MTR: variants seen among roughly 807,000 people sequenced by gnomAD.
The protein encoded by MTR is methionine synthase.
Under a neutral mutation model 154.8 loss-of-function variants are expected in MTR, and 84 were observed. That is an observed-to-expected ratio of 0.54 (90% CI 0.45 to 0.65). MTR has a LOEUF of 0.65. Among genes scored for constraint, MTR ranks in the 30% least tolerant of loss-of-function variants. MTR has a pLI of 0.00. For missense variants in MTR, 1,275 were observed against 1,570.2 expected (o/e 0.81, Z 3.18); for synonymous variants, 554 against 553.9 (o/e 1.00, Z 0.00).
intron 3 of MTR, 21 bp downstream of exon 3, chr1:236,806,254 T>C (rs1660977412): frequency 1.3e-6 from 2 of 1,588,702 alleles, no homozygotes; most frequent in South Asian, 2.2e-5. Context: ...CATTGTTCCA[T>C]GTGTCTAAGA....
Position 236,861,097 on chromosome 1 carries a change from CTT to C in MTR, c.2044-13_2044-12del, listed in dbSNP as rs397974349. ...ATTTTTTTTTTCTTTCTTTCTTTTT[CTT>C]TTTTTTTTTTTTTTGTCTTTTTTAG... On this transcript the variant is annotated intron_variant, in intron 19 of 32. Transcript: ENST00000366577. 0.019 allele frequency: 20,800 copies of C among 1,109,982 alleles called. No individual in the cohort carries two copies. The highest frequency in any genetic ancestry group is 0.021 in the Non-Finnish European group (17,029 of 827,884). 68.8% of individuals were successfully genotyped at this position (1,109,982 alleles called of 1,614,324 possible).
At chr1:236,894,965 G>T (rs1392308061) in intron 30 of MTR, 2 of 360,166 alleles carry the variant, frequency 5.6e-6, no homozygotes, top group Admixed American at 4.4e-5. Context: ...CATGGAATGA[G>T]GGTAGTAGCC....
At chr1:236,894,641 G>T in intron 30 of MTR, 84 bp downstream of exon 30, 1 of 1,368,070 alleles carries the variant, frequency 7.3e-7, no homozygotes. Context: ...AGACTGATCA[G>T]CCCTTAGAAC....
Position 236,897,924 on chromosome 1 carries a change from A to G in MTR, c.*280A>G, listed in dbSNP as rs1666755751. ...TCTGAGATGGGGACAGACTGAAGAC[A>G]GAGGTCGTTTGATTTCAAAGCAAGT... On this transcript the variant is annotated 3_prime_UTR_variant, in exon 33 of 33. Transcript: ENST00000366577. The G allele has an allele frequency of 2.5e-6, 1 of 408,100 alleles. No individual in the cohort carries two copies. The highest frequency in any genetic ancestry group is 4.4e-6 in the Non-Finnish European group (1 of 228,056). The allele number at this position is 408,100 out of a possible 1,614,324, so 25.3% of individuals were successfully genotyped here.
chr1:236,849,775 GAC>G, intron 15 of MTR, among the ~76,000 whole-genome samples: 2 of 152,256 alleles, frequency 1.3e-5, no homozygotes, highest in South Asian at 4.1e-4. Context: ...TTGTATTTAT[GAC>G]TTAAGACACA....
rs780045701 is a variant in MTR, at chr1:236,891,297, C to T, written c.3172C>T (p.Pro1058Ser). Residue 1058 changes from proline (P) to serine (S), a missense_variant, in exon 29 of 33, where the codon CCC becomes TCC. Pro to Ser is a moderately conservative substitution (Grantham distance 74). Coordinates refer to ENST00000366577, the MANE Select transcript of MTR (RefSeq NM_000254.3). ...GGCTGCTGTGCCCCAGGCTGCAGAG[C>T]CCATAGCCACCTTCTATGGGTTAAG... Reference protein sequence around the residue: ...AEAAVPQAAEPIATFYGLRQQ... With the variant: ...AEAAVPQAAESIATFYGLRQQ... The T allele has an allele frequency of 1.4e-5, 23 of 1,614,102 alleles. No individual in the cohort carries two copies. The highest frequency in any genetic ancestry group is 1.9e-5 in the Non-Finnish European group (22 of 1,179,988).
chr1:236,830,256 C>T (rs903474908), intron 12 of MTR, among the ~76,000 whole-genome samples: 5 of 151,876 alleles, frequency 3.3e-5, no homozygotes, highest in Admixed American at 2.6e-4. Context: ...TTATGATACT[C>T]CCTCTCTGGA....
chr1:236,882,802 G>A (rs745850946), intron 25 of MTR, among the ~76,000 whole-genome samples: 53 of 152,222 alleles, frequency 3.5e-4, no homozygotes, highest in Admixed American at 7.2e-4. Context: ...CACGCAGCCA[G>A]CAGTGGTTAG....
chr1:236,822,558 C>G (rs1459756536), intron 8 of MTR, among the ~76,000 whole-genome samples: 2 of 152,022 alleles, frequency 1.3e-5, no homozygotes, highest in Non-Finnish European at 2.9e-5. Context: ...GATCCACCTG[C>G]CTTGGCCTCC....
At chr1:236,887,550 A>G (rs777331801) in intron 27 of MTR, among the ~76,000 whole-genome samples, 6 of 152,222 alleles carry the variant, frequency 3.9e-5, no homozygotes, top group Non-Finnish European at 8.8e-5. Flanking sequence ...CACAAGGGCA[A>G]GTCTGTTTGG....
intron 27 of MTR, among the ~76,000 whole-genome samples, chr1:236,886,723 T>C (rs1017367640): frequency 1.3e-5 from 2 of 152,232 alleles, no homozygotes; most frequent in Non-Finnish European, 2.9e-5. Context: ...AAAGCCATGC[T>C]CTTTCCTCTG....
chr1:236,862,398 G>C, intron 21 of MTR, 55 bp downstream of exon 21: 2 of 1,452,910 alleles, frequency 1.4e-6, no homozygotes, highest in Non-Finnish European at 9.7e-7. Context: ...TGGAAGACTT[G>C]AGGTGGTGGT....
intron 12 of MTR, among the ~76,000 whole-genome samples, chr1:236,831,066 T>C (rs572739011): frequency 6.6e-6 from 1 of 152,374 alleles, no homozygotes; most frequent in African/African-American, 2.4e-5. Flanking sequence ...CTTTACTGTC[T>C]TTGTAAACTC....
intron 22 of MTR, among the ~76,000 whole-genome samples, chr1:236,866,700 G>A (rs1198358099): frequency 6.6e-6 from 1 of 152,226 alleles, no homozygotes; most frequent in Non-Finnish European, 1.5e-5. Context: ...TGCTCCTCCA[G>A]TGAATACACA....
At chr1:236,891,470 CGCCCAA>C (rs1343636781) in intron 29 of MTR, 141 bp downstream of exon 29, 16 of 912,242 alleles carry the variant, frequency 1.8e-5, no homozygotes, top group Middle Eastern at 3.2e-4. Flanking sequence ...ACCAGTCACA[CGCCCAA>C]GCCCAAGCCA....
intron 2 of MTR, among the ~76,000 whole-genome samples, chr1:236,804,447 T>C (rs974890325): frequency 2.6e-5 from 4 of 152,372 alleles, no homozygotes; most frequent in Non-Finnish European, 5.9e-5. Flanking sequence ...TAGTTTTCTA[T>C]ACTTGGAGTT....
intron 31 of MTR, among the ~76,000 whole-genome samples, chr1:236,896,583 C>T (rs1177147646): frequency 6.6e-6 from 1 of 152,222 alleles, no homozygotes; most frequent in Admixed American, 6.5e-5. Context: ...GTTGTGGGTT[C>T]CTTCTTCACT....
Position 236,838,609 on chromosome 1 carries a change from T to G in MTR, c.1515+10T>G, listed in dbSNP as rs1301903242. The G allele has an allele frequency of 1.2e-6, 2 of 1,613,966 alleles. No individual in the cohort carries two copies. The highest frequency in any genetic ancestry group is 2.2e-5 in the South Asian group (2 of 91,050). ...TGATGAAGAAGGACAGGTGAGTGGT[T>G]TCTTTTGGCCTAATCCATTGTGTTT... On this transcript the variant is annotated intron_variant, in intron 15 of 32. Transcript: ENST00000366577.
intron 31 of MTR, among the ~76,000 whole-genome samples, chr1:236,896,604 G>A (rs916995035): frequency 2.0e-5 from 3 of 152,216 alleles, no homozygotes; most frequent in Non-Finnish European, 4.4e-5. Context: ...GGAGCTCTCA[G>A]TCGTCCCTAG....
Sources: allele counts gnomAD v4.1 joint callset (sites outside exome capture counted in the v4.1 genomes callset), GRCh38; gene constraint gnomAD v4.1.1; transcripts MANE v1.5; gene names NCBI Gene and HGNC (gene_info 2026-07-23, HGNC 2026-07-21).